The following ZNF33B variants were observed in gnomAD, a reference collection of about 807,000 sequenced individuals.
The protein encoded by ZNF33B is zinc finger protein 33B.
ZNF33B carries 29 observed loss-of-function variants against 45.8 expected under a neutral mutation model. The ratio of observed to expected loss-of-function variants is 0.63; its 90% CI spans 0.47 to 0.86. ZNF33B has a LOEUF of 0.86. Ranked by LOEUF, ZNF33B falls within the 40% of genes least tolerant of loss-of-function variation. The pLI is 0.00. For missense variants in ZNF33B, 831 were observed against 909.9 expected, an observed-to-expected ratio of 0.91 and a Z score of 1.12; for synonymous variants, 305 against 307.8, an observed-to-expected ratio of 0.99 and a Z score of 0.10.
rs905299666 is a variant in ZNF33B at position 42,638,433 on chromosome 10, G to A, written c.-45+41C>T. On this transcript the variant is annotated intron_variant, in intron 1 of 4. Transcript: ENST00000359467. Reference sequence around the variant, plus strand: ...CGGCTGCCTGCTCCTGGAGTCGCGCGGGGCCCCCTCTCCGTCCCTGCCCAA... The same window carrying A: ...CGGCTGCCTGCTCCTGGAGTCGCGCAGGGCCCCCTCTCCGTCCCTGCCCAA... 6.7e-5 allele frequency: 23 copies of A among 344,710 alleles called. No homozygotes were observed. The Admixed American group carries it at 6.9e-4, about 10-fold the overall frequency. 21.4% of individuals were successfully genotyped at this position (344,710 alleles called of 1,614,324 possible).
At position 42,591,754 on chromosome 10, in the gene ZNF33B, TGCCAGGGACA is replaced by T. The variant is rs1165835545; in HGVS notation, c.*849_*858del. ...ACAAAAAGCTTCATAGTCAAGTGGA[TGCCAGGGACA>T]GGGATGCAGAAAGGGTGTGGTTATT... On this transcript the variant is annotated 3_prime_UTR_variant, in exon 5 of 5. Coordinates refer to ENST00000359467, the MANE Select transcript of ZNF33B (RefSeq NM_006955.3). 2 of 189,090 alleles carry T rather than the reference TGCCAGGGACA, an allele frequency of 1.1e-5. No homozygotes were observed. The highest frequency in any genetic ancestry group is 1.3e-4 in the Admixed American group (2 of 15,320). The allele number at this position is 189,090 out of a possible 1,614,324, so 11.7% of individuals were successfully genotyped here.
chr10:42,618,002 G>A (rs1220801313), intron 4 of ZNF33B, among the ~76,000 whole-genome samples: 6 of 152,108 alleles, frequency 3.9e-5, no homozygotes, highest in Admixed American at 3.9e-4. Flanking sequence ...CTAATGACAA[G>A]CAGCCATTCT....
chr10:42,585,103 G>A (rs1215644486), downstream of ZNF33B, among the ~76,000 whole-genome samples: 1 of 152,154 alleles, frequency 6.6e-6, no homozygotes, highest in Admixed American at 6.5e-5. Flanking sequence ...TAATGCAAGA[G>A]GAAACTGACC....
chr10:42,631,733 G>T, intron 4 of ZNF33B, 196 bp downstream of exon 4: 1 of 549,392 alleles, frequency 1.8e-6, no homozygotes, highest in South Asian at 2.8e-5. Flanking sequence ...TTCAAAAAAT[G>T]ATTCTAAAAG....
intron 4 of ZNF33B, 106 bp from the exon 5 acceptor site, chr10:42,594,805 G>C: frequency 7.9e-7 from 1 of 1,273,048 alleles, no homozygotes; most frequent in Non-Finnish European, 1.0e-6. Flanking sequence ...TGGTTTTTTG[G>C]CCAATTTCCA....
At chr10:42,607,765 T>C (rs1671697149) in intron 4 of ZNF33B, among the ~76,000 whole-genome samples, 1 of 152,140 alleles carries the variant, frequency 6.6e-6, no homozygotes, top group Admixed American at 6.5e-5. Context: ...AGTTGAACCT[T>C]TGTAAATCCT....
chr10:42,622,710 T>C (rs1276950734), intron 4 of ZNF33B, among the ~76,000 whole-genome samples: 2 of 152,182 alleles, frequency 1.3e-5, no homozygotes, highest in African/African-American at 4.8e-5. Context: ...GAATGAGTAG[T>C]TACTGCTTAA....
intron 4 of ZNF33B, among the ~76,000 whole-genome samples, chr10:42,596,100 G>A (rs974145563): frequency 1.3e-5 from 2 of 151,446 alleles, no homozygotes; most frequent in Non-Finnish European, 2.9e-5. Flanking sequence ...TTATAATATA[G>A]TATATATGTT....
intron 4 of ZNF33B, among the ~76,000 whole-genome samples, chr10:42,620,382 G>A (rs2132124114): frequency 6.6e-6 from 1 of 152,050 alleles, no homozygotes; most frequent in South Asian, 2.1e-4. Context: ...TCAGAAGACA[G>A]AGGCTGGCAG....
chr10:42,612,050 C>A (rs2132097169), intron 4 of ZNF33B, among the ~76,000 whole-genome samples: 1 of 152,010 alleles, frequency 6.6e-6, no homozygotes, highest in African/African-American at 2.4e-5. Context: ...TGTCTCACCA[C>A]TAAGTATGAT....
At chr10:42,581,025 T>C (rs1031082652) in intron 1 of ZNF33B, among the ~76,000 whole-genome samples, 1 of 152,128 alleles carries the variant, frequency 6.6e-6, no homozygotes, top group Admixed American at 6.5e-5. Context: ...TAAAAGGGAC[T>C]CTGTTGAAGA....
At chr10:42,618,442 G>C (rs1838426147) in intron 4 of ZNF33B, among the ~76,000 whole-genome samples, 1 of 152,170 alleles carries the variant, frequency 6.6e-6, no homozygotes, top group African/African-American at 2.4e-5. Flanking sequence ...AAGGATAAAT[G>C]TCTAACAGTG....
At chr10:42,616,070 G>A (rs1206095417) in intron 4 of ZNF33B, among the ~76,000 whole-genome samples, 2 of 151,832 alleles carry the variant, frequency 1.3e-5, no homozygotes, top group Non-Finnish European at 2.9e-5. Context: ...GCTGGGTGTG[G>A]GGGCATGCAA....
chr10:42,612,725 T>A (rs1348286376), intron 4 of ZNF33B, among the ~76,000 whole-genome samples: 2 of 152,208 alleles, frequency 1.3e-5, no homozygotes, highest in Non-Finnish European at 2.9e-5. Context: ...TAAAAAAGTG[T>A]TAGGAAGGTT....
intron 4 of ZNF33B, among the ~76,000 whole-genome samples, chr10:42,625,196 T>C (rs1838752630): frequency 6.6e-6 from 1 of 152,034 alleles, no homozygotes; most frequent in African/African-American, 2.4e-5. Flanking sequence ...CAAAGTTGAG[T>C]TTCCCAATCT....
At chr10:42,599,489 GTATA>G (rs1589032381) in intron 4 of ZNF33B, among the ~76,000 whole-genome samples, 8 of 105,500 alleles carry the variant, frequency 7.6e-5, no homozygotes, top group African/African-American at 2.9e-4. Flanking sequence ...ATATACATAT[GTATA>G]AATGCATACA....
intron 4 of ZNF33B, among the ~76,000 whole-genome samples, chr10:42,622,495 A>G (rs568870029): frequency 6.6e-6 from 1 of 152,346 alleles, no homozygotes; most frequent in African/African-American, 2.4e-5. Flanking sequence ...CATACAGACA[A>G]ACGGAATACA....
At chr10:42,611,203 T>C (rs1250700018) in intron 4 of ZNF33B, among the ~76,000 whole-genome samples, 1 of 152,004 alleles carries the variant, frequency 6.6e-6, no homozygotes, top group African/African-American at 2.4e-5. Flanking sequence ...TAGCCAAGTG[T>C]GGTGGCACAT....
intron 4 of ZNF33B, among the ~76,000 whole-genome samples, chr10:42,603,566 T>C (rs1395914497): frequency 1.3e-5 from 2 of 152,322 alleles, no homozygotes; most frequent in African/African-American, 2.4e-5. Flanking sequence ...ATTTATGTTT[T>C]CTAGGAGGTG....
Sources: allele counts gnomAD v4.1 joint callset (sites outside exome capture counted in the v4.1 genomes callset), GRCh38; gene constraint gnomAD v4.1.1; transcripts MANE v1.5; gene names NCBI Gene and HGNC (gene_info 2026-07-23, HGNC 2026-07-21).